The following CNTNAP2 variants were observed in gnomAD, a reference collection of about 807,000 sequenced individuals.
CNTNAP2 encodes contactin associated protein 2.
Under a neutral mutation model 155.2 loss-of-function variants are expected in CNTNAP2, and 98 were observed. The ratio of observed to expected loss-of-function variants is 0.63; its 90% CI spans 0.54 to 0.75. CNTNAP2 has a LOEUF of 0.75. Ranked by LOEUF, CNTNAP2 falls within the 30% of genes least tolerant of loss-of-function variation. CNTNAP2 has a pLI of 0.00. For missense variants in CNTNAP2, 1,727 were observed against 1,688.1 expected, an observed-to-expected ratio of 1.02 and a Z score of -0.40; for synonymous variants, 651 against 631.2, an observed-to-expected ratio of 1.03 and a Z score of -0.47.
chr7:146,342,746 T>C (rs2129096885), intron 1 of CNTNAP2, among the ~76,000 whole-genome samples: 1 of 152,366 alleles, frequency 6.6e-6, no homozygotes, highest in South Asian at 2.1e-4. Flanking sequence ...AGCTATATTG[T>C]CCCATTTATC....
chr7:147,837,336 AC>A (rs1798650284), intron 13 of CNTNAP2, among the ~76,000 whole-genome samples: 1 of 152,144 alleles, frequency 6.6e-6, no homozygotes, highest in Non-Finnish European at 1.5e-5. Flanking sequence ...CTATCATGAG[AC>A]TAGCACAGGA....
At chr7:147,452,200 A>G (rs1426073470) in intron 10 of CNTNAP2, among the ~76,000 whole-genome samples, 1 of 152,230 alleles carries the variant, frequency 6.6e-6, no homozygotes, top group Non-Finnish European at 1.5e-5. Context: ...ACATAGAACT[A>G]TCTTTATATG....
chr7:148,143,235 A>G (rs1219174540), intron 16 of CNTNAP2, among the ~76,000 whole-genome samples: 1 of 152,238 alleles, frequency 6.6e-6, no homozygotes, highest in African/African-American at 2.4e-5. Flanking sequence ...CCTCAAACTG[A>G]GGCCTGAAGC....
At chr7:147,033,919 T>G (rs1004516458) in intron 3 of CNTNAP2, among the ~76,000 whole-genome samples, 2 of 151,836 alleles carry the variant, frequency 1.3e-5, no homozygotes, top group African/African-American at 4.8e-5. Flanking sequence ...CAGAATAAAG[T>G]GCAAGCAAAG....
chr7:148,118,847 A>T (rs763309085), intron 16 of CNTNAP2, among the ~76,000 whole-genome samples: 3 of 152,180 alleles, frequency 2.0e-5, no homozygotes, highest in Non-Finnish European at 4.4e-5. Context: ...TTAGCCAAAG[A>T]TACAGAGACA....
intron 1 of CNTNAP2, among the ~76,000 whole-genome samples, chr7:146,245,140 A>G: frequency 6.6e-6 from 1 of 152,118 alleles, no homozygotes; most frequent in East Asian, 1.9e-4. Context: ...CCATCAATAA[A>G]TCAAGCGTGA....
At chr7:147,595,630 C>A (rs922641190) in intron 12 of CNTNAP2, among the ~76,000 whole-genome samples, 4 of 152,102 alleles carry the variant, frequency 2.6e-5, no homozygotes, top group African/African-American at 4.8e-5. Flanking sequence ...AACTTACGGC[C>A]GTATCTCAGT....
chr7:146,523,556 T>C (rs1797646188), intron 1 of CNTNAP2, among the ~76,000 whole-genome samples: 1 of 152,118 alleles, frequency 6.6e-6, no homozygotes, highest in South Asian at 2.1e-4. Context: ...ACAATAAGGT[T>C]TATTATTTCC....
intron 13 of CNTNAP2, among the ~76,000 whole-genome samples, chr7:147,808,846 A>G (rs781705785): frequency 6.6e-6 from 1 of 152,186 alleles, no homozygotes; most frequent in Non-Finnish European, 1.5e-5. Context: ...AGTTTTGACT[A>G]TGGTTAGGAA....
intron 2 of CNTNAP2, among the ~76,000 whole-genome samples, chr7:146,793,196 T>C (rs1383479005): frequency 6.6e-6 from 1 of 152,234 alleles, no homozygotes; most frequent in East Asian, 1.9e-4. Flanking sequence ...CATCTATATT[T>C]AAATTTCACA....
In CNTNAP2 at chr7:147,043,915, C is replaced by T. The variant is rs1799305397; in HGVS notation, c.411C>T (p.Pro137=). The T allele has an allele frequency of 1.2e-6, 2 of 1,614,038 alleles. No homozygotes were observed. The highest frequency in any genetic ancestry group is 1.3e-5 in the African/African-American group (1 of 75,018). ...YHQDGNIWAF[P]GNINSDGVVR... The stretch of plus-strand genomic sequence containing the variant: ...ACTATTTCCTTTTCCAGGCATTTCC[C>T]GGAAACATTAACTCTGACGGTGTGG... The change falls in exon 4 of 24, where the codon CCC becomes CCT. Residue 137 remains proline, a synonymous_variant. Coordinates refer to ENST00000361727, the MANE Select transcript of CNTNAP2 (RefSeq NM_014141.6).
At chr7:147,736,756 C>T (rs566084860) in intron 13 of CNTNAP2, among the ~76,000 whole-genome samples, 1 of 152,272 alleles carries the variant, frequency 6.6e-6, no homozygotes, top group African/African-American at 2.4e-5. Flanking sequence ...TCTCTTCTTG[C>T]TTCATTTCAT....
chr7:146,898,990 C>A (rs185299073), intron 3 of CNTNAP2, among the ~76,000 whole-genome samples: 4 of 152,140 alleles, frequency 2.6e-5, no homozygotes, highest in Non-Finnish European at 4.4e-5. Flanking sequence ...TCAATGAAAC[C>A]ATTTAAGTGC....
intron 4 of CNTNAP2, among the ~76,000 whole-genome samples, chr7:147,075,634 C>CT (rs1356266903): frequency 2.6e-5 from 4 of 151,602 alleles, no homozygotes; most frequent in Admixed American, 6.6e-5. Context: ...CTTCTTTTTT[C>CT]TTTTTTTTAA....
chr7:147,302,977 C>G (rs906308677), intron 9 of CNTNAP2, among the ~76,000 whole-genome samples: 2 of 152,166 alleles, frequency 1.3e-5, no homozygotes, highest in African/African-American at 4.8e-5. Flanking sequence ...AATGTTCTCC[C>G]GAAGCAGCGA....
chr7:146,498,425 A>G (rs1026498944), intron 1 of CNTNAP2, among the ~76,000 whole-genome samples: 15 of 152,156 alleles, frequency 9.9e-5, no homozygotes, highest in African/African-American at 3.6e-4. Context: ...ATAGATTGCA[A>G]TGCTTGAAAC....
At chr7:147,593,355 G>A (rs1259200308) in intron 12 of CNTNAP2, among the ~76,000 whole-genome samples, 1 of 150,624 alleles carries the variant, frequency 6.6e-6, no homozygotes, top group Non-Finnish European at 1.5e-5. Context: ...GATAAGCCAA[G>A]GAACTTGGTT....
chr7:146,340,357 T>A (rs1397201410), intron 1 of CNTNAP2, among the ~76,000 whole-genome samples: 2 of 150,336 alleles, frequency 1.3e-5, no homozygotes, highest in Non-Finnish European at 1.5e-5. Context: ...TTTCCATATT[T>A]GTTTGCTGCT....
intron 3 of CNTNAP2, among the ~76,000 whole-genome samples, chr7:147,042,156 T>G (rs1799272159): frequency 6.6e-6 from 1 of 152,200 alleles, no homozygotes; most frequent in African/African-American, 2.4e-5. Context: ...AATAGTTTTG[T>G]TTTATGGATT....
Sources: allele counts gnomAD v4.1 joint callset (sites outside exome capture counted in the v4.1 genomes callset), GRCh38; gene constraint gnomAD v4.1.1; transcripts MANE v1.5; gene names NCBI Gene and HGNC (gene_info 2026-07-23, HGNC 2026-07-21).